PKHD1: variants seen among roughly 807,000 people sequenced by gnomAD.
PKHD1 encodes the protein PKHD1 ciliary IPT domain containing fibrocystin/polyductin, also known as fibrocystin.
PKHD1 carries 291 observed loss-of-function variants against 412.0 expected under a neutral mutation model. The ratio of observed to expected loss-of-function variants is 0.71; its 90% CI spans 0.64 to 0.78. The LOEUF is 0.78. Ranked by LOEUF, PKHD1 falls within the 30% of genes least tolerant of loss-of-function variation. The probability of loss-of-function intolerance (pLI) is 0.00; values close to 1 mark genes in which losing one functional copy is unlikely to be tolerated. For missense variants in PKHD1, 4,825 were observed against 4,950.7 expected, an observed-to-expected ratio of 0.97 and a Z score of 0.76; for synonymous variants, 1,777 against 1,821.5, an observed-to-expected ratio of 0.98 and a Z score of 0.62.
At chr6:52,000,734 A>T (rs1479059808) in intron 35 of PKHD1, among the ~76,000 whole-genome samples, 1 of 152,250 alleles carries the variant, frequency 6.6e-6, no homozygotes, top group African/African-American at 2.4e-5. Context: ...CAGTGATATT[A>T]TAATAAATTT....
At chr6:52,079,798 C>A (rs549440062) in intron 5 of PKHD1, 102 bp downstream of exon 5, 1 of 781,996 alleles carries the variant, frequency 1.3e-6, no homozygotes, top group Admixed American at 1.7e-5. Context: ...TTCTTTTAAC[C>A]CGGTCAAGCA....
intron 41 of PKHD1, among the ~76,000 whole-genome samples, chr6:51,905,879 C>T (rs2127634367): frequency 6.6e-6 from 1 of 152,206 alleles, no homozygotes; most frequent in Non-Finnish European, 1.5e-5. Context: ...AATCCTTGGC[C>T]AACATCCAAG....
Position 51,638,906 on chromosome 6 carries a change from C to A in PKHD1, c.11449G>T (p.Ala3817Ser). The change falls in exon 64 of 67, where the codon GCA (alanine) becomes TCA (serine). Residue 3817 changes from alanine to serine, a missense_variant. Physicochemically the swap from Ala to Ser is moderately conservative, Grantham distance 99 (BLOSUM62 1). Transcript: ENST00000371117. ...CAGTTTGACCCAGAGATCAAGACTGCCAAGTTGTAGAAGCTAACATAACCA... is the reference window on the plus strand; with the variant it reads ...CAGTTTGACCCAGAGATCAAGACTGACAAGTTGTAGAAGCTAACATAACCA... The part of the protein sequence containing the change: ...QDGYVSFYNL[A>S]VLISGSNWHF... 6.2e-7 allele frequency: 1 copy of A among 1,613,730 alleles called. No homozygotes were observed.
chr6:51,660,303 GC>G (rs1224307097), intron 60 of PKHD1, among the ~76,000 whole-genome samples: 28 of 152,076 alleles, frequency 1.8e-4, no homozygotes, highest in Admixed American at 1.5e-3. Flanking sequence ...AAGATAAACT[GC>G]TTTTTACTAC....
At chr6:52,021,830 A>G in intron 33 of PKHD1, among the ~76,000 whole-genome samples, 1 of 151,994 alleles carries the variant, frequency 6.6e-6, no homozygotes, top group East Asian at 1.9e-4. Context: ...TCACAATAGC[A>G]TTATCCATCA....
chr6:52,025,528 G>T lies in PKHD1; in HGVS notation c.4282C>A (p.Pro1428Thr), dbSNP rs199552642. ...RRSVRVDLSG[P>T]FTCVILSLGD... ...AAACTCAAAATCACACAAGTAAAAG[G>T]ACCCGAGAGGTCAACCCGAACTGAC... The change falls in exon 32 of 67, where the codon CCT becomes ACT. Residue 1428 changes from proline to threonine, a missense_variant. Transcript: ENST00000371117. 2.3e-5 allele frequency: 37 copies of T among 1,613,982 alleles called. No individual in the cohort carries two copies. The highest frequency in any genetic ancestry group is 3.0e-5 in the Non-Finnish European group (35 of 1,179,988).
In PKHD1 at chr6:52,010,459, G is replaced by T. The variant is rs1799663930; in HGVS notation, c.5601C>A (p.Ser1867Arg). The change falls in exon 35 of 67, where the codon AGC becomes AGA. Residue 1867 changes from serine (S) to arginine (R), a missense_variant and splice_region_variant. Ser to Arg is a moderately radical substitution (Grantham distance 110, BLOSUM62 -1). Coordinates refer to ENST00000371117, the MANE Select transcript of PKHD1 (RefSeq NM_138694.4). ...GAACTTCATCTCTTTCCAATTTAGG[G>T]CTGAAACGAGAGGGGAGGTTAAATG... ...MFPSFSGLFI[S>R]PKLERDEVLI... The T allele has an allele frequency of 2.5e-6, 4 of 1,583,136 alleles. No homozygotes were observed. Among genetic ancestry groups the T allele is most frequent in the Non-Finnish European group, 3.5e-6 (4 of 1,152,052 alleles).
intron 60 of PKHD1, among the ~76,000 whole-genome samples, chr6:51,685,740 C>T (rs1488165880): frequency 6.6e-6 from 1 of 152,106 alleles, no homozygotes; most frequent in Non-Finnish European, 1.5e-5. Flanking sequence ...AGGAGGGTTG[C>T]TACCTTCCTG....
Position 51,617,913 on chromosome 6 carries a change from G to T in PKHD1, c.*1168C>A, listed in dbSNP as rs941828254. ...GTTTTCAGGATTTTCAGGAAAATCT[G>T]AGAGCAATCTCTTTTTGGAAGCTCT... On this transcript the variant is annotated 3_prime_UTR_variant, in exon 67 of 67. Transcript: ENST00000371117. The T allele has an allele frequency of 6.6e-6, 1 of 152,098 alleles. No homozygotes were observed. The highest frequency in any genetic ancestry group is 1.9e-4 in the East Asian group (1 of 5,188). 9.4% of individuals were successfully genotyped at this position (152,098 alleles called of 1,614,324 possible).
intron 11 of PKHD1, among the ~76,000 whole-genome samples, chr6:52,066,947 A>G (rs1167110685): frequency 6.6e-6 from 1 of 152,178 alleles, no homozygotes; most frequent in East Asian, 1.9e-4. Context: ...ACCTACAGTA[A>G]TATGACACAT....
intron 35 of PKHD1, among the ~76,000 whole-genome samples, chr6:51,996,815 A>C (rs1378157393): frequency 6.6e-6 from 1 of 152,254 alleles, no homozygotes; most frequent in East Asian, 1.9e-4. Context: ...GAGAAAAGCA[A>C]GGTCATTGAG....
chr6:52,079,874 T>C lies in PKHD1; in HGVS notation c.390+26A>G, dbSNP rs377684807. The C allele has an allele frequency of 1.0e-5, 13 of 1,258,602 alleles. No individual in the cohort carries two copies. The highest frequency in any genetic ancestry group is 1.2e-5 in the Non-Finnish European group (10 of 855,550). 78.0% of individuals were successfully genotyped at this position (1,258,602 alleles called of 1,614,324 possible). A position where few individuals can be genotyped will look rare whatever the true frequency, so the allele number is the denominator to read the frequency against. Reference sequence around the variant, plus strand: ...AGCACACCCTTAGACTATGTAAACATACCTTCCTCCAGCCTTAGAACCCAC... The same window carrying C: ...AGCACACCCTTAGACTATGTAAACACACCTTCCTCCAGCCTTAGAACCCAC... On this transcript the variant is annotated intron_variant, in intron 5 of 66. Coordinates refer to ENST00000371117, the MANE Select transcript of PKHD1 (RefSeq NM_138694.4).
chr6:51,968,943 T>C (rs1402433465), intron 35 of PKHD1, among the ~76,000 whole-genome samples: 1 of 152,194 alleles, frequency 6.6e-6, no homozygotes. Context: ...CCTCTCCCCT[T>C]CAGCAGAAGT....
intron 28 of PKHD1, 37 bp from the exon 29 acceptor site, chr6:52,033,202 A>G (rs41273728): frequency 1.6e-5 from 24 of 1,546,426 alleles, no homozygotes; most frequent in Middle Eastern, 1.7e-4. Context: ...CCTCAGTTTT[A>G]TTTTAAAGTA....
At chr6:51,754,747 T>C (rs1159168328) in intron 56 of PKHD1, 37 bp downstream of exon 56, 1 of 1,592,620 alleles carries the variant, frequency 6.3e-7, no homozygotes, top group East Asian at 2.2e-5. Flanking sequence ...TCTTCCTAGC[T>C]CATTCACTTA....
At chr6:52,059,252 T>C (rs1052381578) in intron 15 of PKHD1, among the ~76,000 whole-genome samples, 1 of 127,784 alleles carries the variant, frequency 7.8e-6, no homozygotes, top group Non-Finnish European at 1.6e-5. Context: ...TTTTTCTTTT[T>C]CTTTTTCTTT....
rs1451342734 is a variant in PKHD1, at chr6:51,807,479, A to ATATGTGTGTG, written c.8303-16107_8303-16106insCACACACATA. 1.9e-3 allele frequency among the ~76,000 whole-genome samples: 198 copies of ATATGTGTGTG among 103,430 alleles called. 1 individual carries two copies. Among genetic ancestry groups the ATATGTGTGTG allele is most frequent in the African/African-American group, 9.4e-3 (189 of 20,094 alleles). The allele number at this position is 103,430 out of a possible 152,430, so 67.9% of individuals were successfully genotyped here. On this transcript the variant is annotated intron_variant, in intron 52 of 66. Coordinates refer to ENST00000371117, the MANE Select transcript of PKHD1 (RefSeq NM_138694.4). ...AAAAAATATATATATATATATATAT[A>ATATGTGTGTG]TGTATATGTGTGTGTGTGTGTGTGT...
intron 35 of PKHD1, among the ~76,000 whole-genome samples, chr6:51,973,394 CATA>C (rs1172747808): frequency 6.6e-6 from 1 of 152,170 alleles, no homozygotes; most frequent in Non-Finnish European, 1.5e-5. Context: ...ATGCAATTCA[CATA>C]ATGTCTAAAC....
chr6:51,644,838 T>C (rs2661502), intron 63 of PKHD1, among the ~76,000 whole-genome samples: 6,517 of 152,216 alleles, frequency 0.043, 235 homozygotes, highest in African/African-American at 0.093. Flanking sequence ...TGCCATCATG[T>C]CTACCTAATT....
Sources: gnomAD v4.1 joint callset for allele counts (sites outside exome capture counted in the v4.1 genomes callset) on GRCh38, gnomAD v4.1.1 for gene constraint, MANE v1.5 for transcripts, NCBI Gene and HGNC (gene_info 2026-07-23, HGNC 2026-07-21) for gene names.